Variants in FHIT observed in about 807,000 individuals in gnomAD.
FHIT encodes the protein bis(5'-adenosyl)-triphosphatase.
In FHIT, 19 loss-of-function variants were observed where a neutral mutation model predicts 17.9. The ratio of observed to expected loss-of-function variants is 1.06; its 90% CI spans 0.74 to 1.56. The LOEUF is 1.56. Among genes scored for constraint, FHIT ranks in the 40% most tolerant of loss-of-function variants. The pLI is 0.00. For missense variants in FHIT, 248 were observed against 189.2 expected (o/e 1.31, Z -1.82); for synonymous variants, 81 against 69.7 (o/e 1.16, Z -0.81).
chr3:60,840,202 C>T (rs1163547307), intron 3 of FHIT, among the ~76,000 whole-genome samples: 2 of 152,074 alleles, frequency 1.3e-5, no homozygotes, highest in African/African-American at 4.8e-5. Context: ...GAGGAAGGAG[C>T]CAAAAATCCT....
chr3:60,798,950 A>G (rs1196561752), intron 4 of FHIT, among the ~76,000 whole-genome samples: 1 of 151,216 alleles, frequency 6.6e-6, no homozygotes, highest in African/African-American at 2.4e-5. Context: ...TATAGATGGG[A>G]TTTCACCCAG....
intron 5 of FHIT, among the ~76,000 whole-genome samples, chr3:60,412,253 A>G (rs367729525): frequency 1.1e-4 from 16 of 152,168 alleles, no homozygotes; most frequent in Admixed American, 1.3e-4. Flanking sequence ...AAGGCAGTAT[A>G]TTTTCATTTC....
intron 4 of FHIT, among the ~76,000 whole-genome samples, chr3:60,671,606 C>A (rs564356962): frequency 6.6e-6 from 1 of 151,694 alleles, no homozygotes; most frequent in Admixed American, 6.6e-5. Context: ...GCTCTTGATT[C>A]CTATATCTGA....
chr3:60,490,361 T>C (rs549677711), intron 5 of FHIT, among the ~76,000 whole-genome samples: 5 of 152,282 alleles, frequency 3.3e-5, no homozygotes, highest in Middle Eastern at 3.4e-3. Flanking sequence ...ACATCTGTTA[T>C]AGGTACCACA....
At position 60,612,908 on chromosome 3, in the gene FHIT, C is replaced by A. The variant is rs79979139; in HGVS notation, c.-17-75929G>T. 5.4e-3 allele frequency among the ~76,000 whole-genome samples: 818 copies of A among 152,260 alleles called. 4 individuals are homozygous for A. The highest frequency in any genetic ancestry group is 0.019 in the African/African-American group (780 of 41,552). On this transcript the variant is annotated intron_variant, in intron 4 of 9. Coordinates refer to ENST00000492590, the MANE Select transcript of FHIT (RefSeq NM_002012.4). ...CAGTATCTCAGGTAACTGCCAGCAA[C>A]GAATCATATTTGGCATGAATGATAA...
intron 5 of FHIT, among the ~76,000 whole-genome samples, chr3:60,087,829 C>CT (rs1437061271): frequency 1.3e-5 from 2 of 152,138 alleles, no homozygotes; most frequent in Non-Finnish European, 2.9e-5. Context: ...TTTCCCTTGT[C>CT]TTTTTTTCTT....
intron 8 of FHIT, among the ~76,000 whole-genome samples, chr3:59,920,996 C>T (rs1438425597): frequency 1.3e-5 from 2 of 152,164 alleles, no homozygotes; most frequent in African/African-American, 4.8e-5. Context: ...TGATCAGAAT[C>T]TCCAGCGACG....
At chr3:61,188,940 A>G (rs1262481200) in intron 2 of FHIT, among the ~76,000 whole-genome samples, 1 of 151,986 alleles carries the variant, frequency 6.6e-6, no homozygotes, top group Non-Finnish European at 1.5e-5. Context: ...TCTCAAAATA[A>G]TAAGAGCTAT....
intron 7 of FHIT, among the ~76,000 whole-genome samples, chr3:59,940,340 T>G (rs1706452284): frequency 6.6e-6 from 1 of 152,196 alleles, no homozygotes; most frequent in Non-Finnish European, 1.5e-5. Context: ...TCACAATTTA[T>G]TTTTTTAATT....
At chr3:59,861,975 A>G (rs1702425460) in intron 8 of FHIT, among the ~76,000 whole-genome samples, 2 of 152,036 alleles carry the variant, frequency 1.3e-5, no homozygotes, top group South Asian at 4.1e-4. Context: ...GATGATGAAT[A>G]TAAACAAAAA....
chr3:59,948,359 A>G (rs1211099020), intron 7 of FHIT, among the ~76,000 whole-genome samples: 1 of 139,614 alleles, frequency 7.2e-6, no homozygotes, highest in Admixed American at 7.6e-5. Context: ...AAAAAAAAAA[A>G]AAAAAAAATT....
rs534438718 is a variant in FHIT, at chr3:61,216,888, G to A, written c.-212-16223C>T. On this transcript the variant is annotated intron_variant, in intron 1 of 9. Coordinates refer to ENST00000492590, the MANE Select transcript of FHIT (RefSeq NM_002012.4). ...AAATCATCATTCTCAGTAAACTATC[G>A]CAAGGACAAAAAACCAAACACCGCA... Among the ~76,000 whole-genome samples the A allele has an allele frequency of 2.1e-3, 323 of 151,240 alleles. 5 individuals are homozygous for A. Among genetic ancestry groups the A allele is most frequent in the Non-Finnish European group, 2.2e-4 (15 of 67,922 alleles).
Position 60,612,581 on chromosome 3 carries a change from C to T in FHIT, c.-17-75602G>A, listed in dbSNP as rs543775532. ...TATCTATTGCTTAAAAACATTTGTGCCCTTCTTATAGCCAGGTCACCCATT... is the reference window on the plus strand; with the variant it reads ...TATCTATTGCTTAAAAACATTTGTGTCCTTCTTATAGCCAGGTCACCCATT... On this transcript the variant is annotated intron_variant, in intron 4 of 9. Coordinates refer to ENST00000492590, the MANE Select transcript of FHIT (RefSeq NM_002012.4). Among the ~76,000 whole-genome samples, 7 of 152,248 alleles carry T rather than the reference C, an allele frequency of 4.6e-5. No homozygotes were observed. In the South Asian group the frequency reaches 1.2e-3, roughly 27 times the overall value.
At chr3:60,033,078 T>C (rs1320131127) in intron 5 of FHIT, among the ~76,000 whole-genome samples, 1 of 152,042 alleles carries the variant, frequency 6.6e-6, no homozygotes, top group Non-Finnish European at 1.5e-5. Flanking sequence ...CTAAAACAAA[T>C]AATAACCTAA....
At chr3:61,206,946 G>A (rs2039257038) in intron 1 of FHIT, among the ~76,000 whole-genome samples, 2 of 152,118 alleles carry the variant, frequency 1.3e-5, no homozygotes, top group African/African-American at 2.4e-5. Context: ...TATGATATTG[G>A]CTGTGGGTTT....
chr3:59,944,626 G>A (rs575102248), intron 7 of FHIT, among the ~76,000 whole-genome samples: 20 of 152,106 alleles, frequency 1.3e-4, no homozygotes, highest in Admixed American at 9.8e-4. Context: ...TCATCACCCA[G>A]GTAACAGGCA....
chr3:60,539,679 A>G (rs1217780869), intron 4 of FHIT, among the ~76,000 whole-genome samples: 1 of 152,172 alleles, frequency 6.6e-6, no homozygotes, highest in Non-Finnish European at 1.5e-5. Flanking sequence ...TTCTCAGCAA[A>G]CTATCACAAG....
intron 5 of FHIT, among the ~76,000 whole-genome samples, chr3:60,233,305 G>A (rs1370792692): frequency 4.6e-5 from 7 of 152,032 alleles, no homozygotes; most frequent in Admixed American, 4.6e-4. Context: ...ACCCAGCTTT[G>A]TCCATTAACT....
At chr3:61,187,423 T>G (rs940735150) in intron 2 of FHIT, among the ~76,000 whole-genome samples, 1 of 152,068 alleles carries the variant, frequency 6.6e-6, no homozygotes, top group Non-Finnish European at 1.5e-5. Context: ...GCACCCAGAT[T>G]CATAAAGCAA....
Sources: gnomAD v4.1 joint callset for allele counts (sites outside exome capture counted in the v4.1 genomes callset) on GRCh38, gnomAD v4.1.1 for gene constraint, MANE v1.5 for transcripts, NCBI Gene and HGNC (gene_info 2026-07-23, HGNC 2026-07-21) for gene names.